Variants in TG observed in about 807,000 individuals in gnomAD.
The protein encoded by TG is thyroid hormones.
In TG, 270 loss-of-function variants were observed where a neutral mutation model predicts 324.7. That is an observed-to-expected ratio of 0.83 (90% CI 0.75 to 0.92). The LOEUF (loss-of-function observed/expected upper bound fraction) is 0.92, where lower values mean the gene tolerates loss of function less well. Among genes scored for constraint, TG ranks in the 40% least tolerant of loss-of-function variants. The pLI is 0.00. For missense variants in TG, 3,591 were observed against 3,456.4 expected, an observed-to-expected ratio of 1.04 and a Z score of -0.98; for synonymous variants, 1,401 against 1,327.0, an observed-to-expected ratio of 1.06 and a Z score of -1.21.
intron 41 of TG, among the ~76,000 whole-genome samples, chr8:133,043,384 C>T (rs1345647312): frequency 6.6e-6 from 1 of 152,230 alleles, no homozygotes; most frequent in Non-Finnish European, 1.5e-5. Context: ...CCACAACCAA[C>T]CTTTTCTCAT....
At chr8:132,996,946 G>T (rs1832941378) in intron 35 of TG, among the ~76,000 whole-genome samples, 1 of 152,204 alleles carries the variant, frequency 6.6e-6, no homozygotes, top group Non-Finnish European at 1.5e-5. Context: ...GAGAGATGAA[G>T]TTGGAGAGGT....
intron 41 of TG, among the ~76,000 whole-genome samples, chr8:133,089,746 G>A (rs1050491407): frequency 3.3e-5 from 5 of 152,060 alleles, no homozygotes; most frequent in East Asian, 1.9e-4. Flanking sequence ...TGGGGCTGTC[G>A]GATTACTTAG....
chr8:133,098,306 A>G (rs1399627800), intron 43 of TG, among the ~76,000 whole-genome samples: 1 of 152,234 alleles, frequency 6.6e-6, no homozygotes, highest in Non-Finnish European at 1.5e-5. Flanking sequence ...CTCTTGTACT[A>G]ATACCCTGAA....
At chr8:132,924,787 G>A (rs953422207) in intron 22 of TG, among the ~76,000 whole-genome samples, 10 of 152,292 alleles carry the variant, frequency 6.6e-5, no homozygotes, top group South Asian at 6.2e-4. Context: ...AGTTTCCCCC[G>A]TTGTAAGAGT....
At chr8:132,870,867 C>T (rs1481746100) in intron 3 of TG, among the ~76,000 whole-genome samples, 3 of 152,122 alleles carry the variant, frequency 2.0e-5, no homozygotes, top group African/African-American at 7.2e-5. Context: ...CGAGGGAAGG[C>T]ATTCATCTCT....
chr8:133,128,300 G>T (rs1052086673), intron 45 of TG, among the ~76,000 whole-genome samples: 1 of 145,898 alleles, frequency 6.9e-6, no homozygotes, highest in Admixed American at 7.0e-5. Context: ...GTCCTCACTG[G>T]ACGGCATTCA....
intron 25 of TG, among the ~76,000 whole-genome samples, chr8:132,941,111 C>T (rs75921087): frequency 0.025 from 3,735 of 152,236 alleles, 150 homozygotes; most frequent in African/African-American, 0.085. Flanking sequence ...CCCTTGAAGA[C>T]GTGTTGGGCA....
intron 19 of TG, among the ~76,000 whole-genome samples, chr8:132,912,295 T>G (rs976077270): frequency 2.0e-5 from 3 of 152,130 alleles, no homozygotes; most frequent in African/African-American, 7.2e-5. Context: ...CTTCCATCTT[T>G]CTCCAAAGAG....
At position 133,106,381 on chromosome 8, in the gene TG, C is replaced by G. The variant is rs1036469622; in HGVS notation, c.7573-7041C>G. 9.1e-6 allele frequency: 9 copies of G among 985,038 alleles called. No homozygotes were observed. The African/African-American group carries it at 1.0e-4, about 11-fold the overall frequency. The allele number at this position is 985,038 out of a possible 1,614,324, so 61.0% of individuals were successfully genotyped here. On this transcript the variant is annotated intron_variant, in intron 43 of 47. Coordinates refer to ENST00000220616, the MANE Select transcript of TG (RefSeq NM_003235.5). ...GCCAATGCAAGGACACCCAGCCTGG[C>G]CTGCTCTGTGTTCCATGCTCTCTGG...
In TG at chr8:133,134,762, C is replaced by T. The variant is rs1398947167; in HGVS notation, c.8275C>T (p.Gln2759Ter). The change falls in exon 48 of 48, where the codon CAG becomes TAG. Residue 2759 changes from glutamine (Q) to a stop codon, truncating the protein, a stop_gained. Transcript: ENST00000220616. LOFTEE classifies it high-confidence loss of function. ...SGLREDLLSL[Q>*]EPGSKTYSK Reference sequence around the variant, plus strand: ...GCTAAGAGAAGATCTCCTAAGCCTCCAGGAACCAGGCTCTAAGACCTACAG... The same window carrying T: ...GCTAAGAGAAGATCTCCTAAGCCTCTAGGAACCAGGCTCTAAGACCTACAG... 4 of 1,614,136 alleles carry T rather than the reference C, an allele frequency of 2.5e-6. No individual in the cohort carries two copies. Among genetic ancestry groups the T allele is most frequent in the South Asian group, 2.2e-5 (2 of 91,086 alleles).
chr8:132,917,976 C>T (rs1820603340), intron 20 of TG, among the ~76,000 whole-genome samples: 2 of 149,232 alleles, frequency 1.3e-5, no homozygotes, highest in East Asian at 4.0e-4. Context: ...AAGGATTTTC[C>T]AGTGATTTTG....
intron 40 of TG, among the ~76,000 whole-genome samples, chr8:133,024,330 CTTTCTTTCT>C (rs1835838512): frequency 9.8e-6 from 1 of 102,358 alleles, no homozygotes; most frequent in Admixed American, 9.6e-5. Context: ...TTCTTTCTTT[CTTTCTTTCT>C]TTCTTTCTTT....
In TG at chr8:133,116,726, T is replaced by C; in HGVS notation, c.7862+10T>C. 6.2e-7 allele frequency: 1 copy of C among 1,611,286 alleles called. No individual in the cohort carries two copies. Among genetic ancestry groups the C allele is most frequent in the Admixed American group, 1.7e-5 (1 of 60,022 alleles). The stretch of plus-strand genomic sequence containing the variant: ...ACTACGGCCATGGCAGGTAAGACGC[T>C]GCAGGGAAGCAGAGAAAGGAAGGTA... On this transcript the variant is annotated intron_variant, in intron 45 of 47. Transcript: ENST00000220616.
chr8:132,930,931 A>T (rs1313409922), intron 23 of TG, among the ~76,000 whole-genome samples: 1 of 152,232 alleles, frequency 6.6e-6, no homozygotes, highest in Admixed American at 6.5e-5. Context: ...AGAGCAGAGC[A>T]ATCCAAGACA....
In TG at chr8:133,107,809, A is replaced by G. The variant is rs534293744; in HGVS notation, c.7573-5613A>G. ...TAAACTGGGCCTCATCCCTCCAGCT[A>G]CCTGGCTGTGAAGGTGTTCTAGATC... On this transcript the variant is annotated intron_variant, in intron 43 of 47. Coordinates refer to ENST00000220616, the MANE Select transcript of TG (RefSeq NM_003235.5). Among the ~76,000 whole-genome samples the G allele has an allele frequency of 2.0e-5, 3 of 152,174 alleles. No homozygotes were observed. The South Asian group carries it at 6.2e-4, about 32-fold the overall frequency.
At chr8:133,119,070 C>T (rs557920361) in intron 45 of TG, among the ~76,000 whole-genome samples, 8 of 152,284 alleles carry the variant, frequency 5.3e-5, no homozygotes, top group African/African-American at 1.9e-4. Context: ...TGTGGCCCTG[C>T]TGTCACCTTG....
intron 46 of TG, 138 bp downstream of exon 46, chr8:133,132,084 T>C: frequency 7.4e-7 from 1 of 1,351,062 alleles, no homozygotes; most frequent in Non-Finnish European, 1.0e-6. Flanking sequence ...GCCACTGGCC[T>C]CCCTGTCTCA....
At chr8:132,967,658 T>C (rs535697575) in intron 30 of TG, 136 bp from the exon 31 acceptor site, 5 of 967,582 alleles carry the variant, frequency 5.2e-6, no homozygotes, top group East Asian at 2.6e-5. Context: ...GACTGGATGA[T>C]CATGACAGTC....
At chr8:133,030,845 G>C (rs1836571481) in intron 41 of TG, among the ~76,000 whole-genome samples, 1 of 152,226 alleles carries the variant, frequency 6.6e-6, no homozygotes. Flanking sequence ...CAAAGTCCTG[G>C]CAACAGGGAA....
Sources: gnomAD v4.1 joint callset for allele counts (sites outside exome capture counted in the v4.1 genomes callset) on GRCh38, gnomAD v4.1.1 for gene constraint, MANE v1.5 for transcripts, NCBI Gene and HGNC (gene_info 2026-07-23, HGNC 2026-07-21) for gene names.